Variants in SMPD4 observed in about 807,000 individuals in gnomAD.
The protein encoded by SMPD4 is neutral sphingomyelinase 3.
A neutral mutation model predicts 97.8 loss-of-function variants in SMPD4; 58 were observed. The ratio of observed to expected loss-of-function variants is 0.59; its 90% CI spans 0.48 to 0.74. The LOEUF (loss-of-function observed/expected upper bound fraction) is 0.74. SMPD4 is among the 30% of genes least tolerant of loss of function. The pLI, the probability that SMPD4 is intolerant of heterozygous loss-of-function variation, is 0.00. For synonymous variants in SMPD4, 388 were observed against 450.0 expected, an observed-to-expected ratio of 0.86 and a Z score of 1.74; for missense variants, 853 against 1,080.5, an observed-to-expected ratio of 0.79 and a Z score of 2.95.
At chr2:130,164,580 T>G in intron 9 of SMPD4, 135 bp from the exon 10 acceptor site, 1 of 675,906 alleles carries the variant, frequency 1.5e-6, no homozygotes, top group Non-Finnish European at 2.5e-6. Context: ...AGCTGGGCCC[T>G]TCCTTCACAC....
intron 1 of SMPD4, among the ~76,000 whole-genome samples, chr2:130,177,090 T>C (rs1689042976): frequency 6.6e-6 from 1 of 152,082 alleles, no homozygotes; most frequent in African/African-American, 2.4e-5. Context: ...ATGTCTTACT[T>C]ATTGATTAGA....
At chr2:130,153,474 C>T (rs760070222) in intron 17 of SMPD4, 24 bp from the exon 18 acceptor site, 10 of 1,612,772 alleles carry the variant, frequency 6.2e-6, no homozygotes, top group South Asian at 1.1e-5. Flanking sequence ...ATGCCACTGC[C>T]CTCAGCATCA....
In SMPD4 at chr2:130,152,558, G is replaced by C. The variant is rs143278484; in HGVS notation, c.2481C>G (p.Pro827=). Residue 827 remains proline, a synonymous_variant, in exon 20 of 20, where the codon CCC becomes CCG. Transcript: ENST00000680298. The part of the protein sequence containing the change: ...LLTERGKLHQ[P] ...GCTCTGAAGGCAGCTGACACCTTCA[G>C]GGCTGGTGCAGCTTCCCCCGCTCGG... 471 of 1,546,104 alleles carry C rather than the reference G, an allele frequency of 3.0e-4. 4 individuals are homozygous for C. In the African/African-American group the frequency reaches 5.7e-3, roughly 19 times the overall value.
chr2:130,172,214 T>C (rs1354512198), intron 8 of SMPD4, 135 bp downstream of exon 8: 1 of 1,015,606 alleles, frequency 9.8e-7, no homozygotes, highest in African/African-American at 1.6e-5. Flanking sequence ...CTAAGACAGC[T>C]GGGGATGGGG....
intron 8 of SMPD4, among the ~76,000 whole-genome samples, chr2:130,171,046 A>G (rs1420157794): frequency 6.6e-6 from 1 of 152,116 alleles, no homozygotes; most frequent in East Asian, 1.9e-4. Context: ...CATGGGCGAC[A>G]GAGTGAGACT....
rs79372127 is a variant in SMPD4 at position 130,181,592 on chromosome 2, A to T, written c.-108T>A. ...AGCCGCCATTCCGCCACGGCGCCGA[A>T]AGTCGTCATCAAGCTGCGCGCAGAG... On this transcript the variant is annotated 5_prime_UTR_variant, in exon 1 of 20. Transcript: ENST00000680298. The T allele has an allele frequency of 1.2e-6, 2 of 1,603,512 alleles. No individual in the cohort carries two copies. The highest frequency in any genetic ancestry group is 2.2e-5 in the East Asian group (1 of 44,462).
At chr2:130,168,552 C>T (rs1688146037) in intron 8 of SMPD4, among the ~76,000 whole-genome samples, 1 of 151,756 alleles carries the variant, frequency 6.6e-6, no homozygotes, top group Non-Finnish European at 1.5e-5. Flanking sequence ...CAGGATCGTA[C>T]CCTATCGCCT....
chr2:130,164,682 A>G lies in SMPD4; in HGVS notation c.793-237T>C, dbSNP rs745711631. Among the ~76,000 whole-genome samples, 11 of 152,236 alleles carry G rather than the reference A, an allele frequency of 7.2e-5. No individual in the cohort carries two copies. In the South Asian group the frequency reaches 1.2e-3, roughly 17 times the overall value. On this transcript the variant is annotated intron_variant, in intron 9 of 19. Transcript: ENST00000680298. ...AGAAGAAAACATGGGAGAAAACTTC[A>G]TAACACTAGATTTGGCAATGATTAA...
At chr2:130,170,878 T>C (rs1366532776) in intron 8 of SMPD4, among the ~76,000 whole-genome samples, 1 of 151,844 alleles carries the variant, frequency 6.6e-6, no homozygotes, top group African/African-American at 2.4e-5. Flanking sequence ...CTGGCCAACA[T>C]GGTGAAACCC....
chr2:130,155,231 T>C lies in SMPD4; in HGVS notation c.1318A>G (p.Met440Val), dbSNP rs1038044487. ...AAGCCCACAAACAACTTGGTGTACA[T>C]CAGCAGGTTCTCCTGGACAAAGGGT... ...WAPFVQENLL[M>V]YTKLFVGFLN... Residue 440 changes from methionine to valine, a missense_variant, in exon 15 of 20, where the codon ATG becomes GTG. This residue lies in a region of SMPD4 where 511 missense variants were observed against 608.1 expected (regional missense o/e 0.84). Transcript: ENST00000680298. 1 of 1,614,026 alleles carries C rather than the reference T, an allele frequency of 6.2e-7. No homozygotes were observed. Among genetic ancestry groups the C allele is most frequent in the Admixed American group, 1.7e-5 (1 of 60,010 alleles).
chr2:130,154,572 T>A, intron 15 of SMPD4, 90 bp from the exon 16 acceptor site: 1 of 1,535,042 alleles, frequency 6.5e-7, no homozygotes, highest in Non-Finnish European at 8.8e-7. Flanking sequence ...CTCTGAGGTG[T>A]CTGGGGAGCC....
At chr2:130,178,926 T>A (rs1330176389) in intron 1 of SMPD4, among the ~76,000 whole-genome samples, 2 of 152,114 alleles carry the variant, frequency 1.3e-5, no homozygotes, top group Non-Finnish European at 2.9e-5. Flanking sequence ...GTCTGCCAAG[T>A]CCCACTGGTG....
At chr2:130,162,150 G>A (rs866820018) in intron 10 of SMPD4, among the ~76,000 whole-genome samples, 1 of 152,258 alleles carries the variant, frequency 6.6e-6, no homozygotes, top group Non-Finnish European at 1.5e-5. Context: ...GGGTTCCCAA[G>A]GGCGGGAGCC....
At chr2:130,166,030 A>G (rs971293250) in intron 9 of SMPD4, among the ~76,000 whole-genome samples, 4 of 152,162 alleles carry the variant, frequency 2.6e-5, no homozygotes, top group African/African-American at 9.7e-5. Context: ...TTAGTTAAAA[A>G]AACAAAAAGG....
chr2:130,155,306 ATGCCCCTAATGCCCGGTCCG>A (rs758866765), intron 14 of SMPD4, 47 bp from the exon 15 acceptor site: 160 of 1,608,092 alleles, frequency 9.9e-5, no homozygotes, highest in African/African-American at 1.3e-4. Flanking sequence ...AACTGGAAGC[ATGCCCCTAATGCCCGGTCCG>A]TGCCCCTAAT....
chr2:130,165,831 A>G (rs995213322), intron 9 of SMPD4, among the ~76,000 whole-genome samples: 2 of 152,100 alleles, frequency 1.3e-5, no homozygotes, highest in African/African-American at 2.4e-5. Context: ...GGGCCTCCCA[A>G]CGCACTAAGA....
Position 130,172,788 on chromosome 2 carries a change from C to A in SMPD4, c.453G>T (p.Leu151=). The change falls in exon 6 of 20, where the codon CTG becomes CTT. Residue 151 remains leucine (L), a splice_region_variant and synonymous_variant. Transcript: ENST00000680298. The part of the protein sequence containing the change: ...PTGGLGLNLA[L]NPFEYYIFFF... ...TACCTCAGGGCCACCAAAGGATACT[C>A]AGGGCCAAGTTCAGACCAAGGCCCC... The A allele has an allele frequency of 6.2e-7, 1 of 1,614,194 alleles. No homozygotes were observed.
In SMPD4 at chr2:130,153,758, G is replaced by A. The variant is rs751109777; in HGVS notation, c.1837C>T (p.Arg613Trp). ...DLDEMGQDSVRKTDEYLEKAL... is the reference protein window; with the variant it reads ...DLDEMGQDSVWKTDEYLEKAL... ...TTCTCCAGGTATTCATCTGTCTTCC[G>A]GACACTGTCTTGCCCCATCTCGTCC... The change falls in exon 17 of 20, where the codon CGG becomes TGG. Residue 613 changes from arginine to tryptophan, a missense_variant. Arg to Trp is a moderately radical substitution (Grantham distance 101, BLOSUM62 -3). Transcript: ENST00000680298. The A allele has an allele frequency of 5.6e-6, 9 of 1,613,824 alleles. No homozygotes were observed. Among genetic ancestry groups the A allele is most frequent in the South Asian group, 2.2e-5 (2 of 91,076 alleles).
At chr2:130,167,322 T>C (rs1368022812) in intron 9 of SMPD4, 136 bp downstream of exon 9, 2 of 1,211,714 alleles carry the variant, frequency 1.7e-6, no homozygotes, top group Non-Finnish European at 1.1e-6. Context: ...GGTTTCACCA[T>C]GCTGGCCAGG....
Sources: gnomAD v4.1 joint callset for allele counts (sites outside exome capture counted in the v4.1 genomes callset) on GRCh38, gnomAD v4.1.1 for gene constraint, gnomAD v4.1.1 regional missense constraint, MANE v1.5 for transcripts, NCBI Gene and HGNC (gene_info 2026-07-23, HGNC 2026-07-21) for gene names.